Variants in CHRNA4 observed in about 807,000 individuals in gnomAD.
CHRNA4 encodes the protein neuronal acetylcholine receptor subunit alpha-4.
In CHRNA4, 28 loss-of-function variants were observed where a neutral mutation model predicts 48.9. The observed-to-expected ratio is 0.57, with a 90% CI of 0.42 to 0.79. CHRNA4 has a LOEUF of 0.79. CHRNA4 is among the 30% of genes least tolerant of loss of function. The pLI is 0.00. For missense variants in CHRNA4, 859 were observed against 898.4 expected, an observed-to-expected ratio of 0.96 and a Z score of 0.56; for synonymous variants, 425 against 402.3, an observed-to-expected ratio of 1.06 and a Z score of -0.68.
In CHRNA4 at chr20:63,350,288, T is replaced by C. The variant is rs2068569841; in HGVS notation, c.1123A>G (p.Met375Val). The change falls in exon 5 of 6, where the codon ATG becomes GTG. Residue 375 changes from methionine to valine, a missense_variant. Physicochemically the swap from Met to Val is conservative, Grantham distance 21. Transcript: ENST00000370263. ...CGCGGGGCACTGGCCATCTTATGCA[T>C]GGACTCGATGAGCCGCCGGCAATTG... ...KDNCRRLIES[M>V]HKMASAPRFW... 1.2e-6 allele frequency: 2 copies of C among 1,612,632 alleles called. No homozygotes were observed. The highest frequency in any genetic ancestry group is 1.7e-6 in the Non-Finnish European group (2 of 1,179,884).
At chr20:63,359,031 C>T (rs1213318233) in intron 2 of CHRNA4, among the ~76,000 whole-genome samples, 1 of 67,532 alleles carries the variant, frequency 1.5e-5, no homozygotes, top group African/African-American at 6.3e-5. Flanking sequence ...CCTTCTTGGG[C>T]CCCCCACCAG....
Position 63,344,906 on chromosome 20 carries a change from G to A in CHRNA4, c.*1832C>T, listed in dbSNP as rs1342059574. ...CCTGAATACACGGGGGATGTGGGAG[G>A]GGCCAGGGGGCTGGGGATGCCCAGG... is the stretch of plus-strand genomic sequence containing the variant. On this transcript the variant is annotated 3_prime_UTR_variant, in exon 6 of 6. Coordinates refer to ENST00000370263, the MANE Select transcript of CHRNA4 (RefSeq NM_000744.7). This position sits in a 1 kb window ranked among gnomAD's most constrained non-coding sequence, Gnocchi z 4.5. 2.5e-6 allele frequency: 1 copy of A among 402,736 alleles called. No homozygotes were observed. The highest frequency in any genetic ancestry group is 5.0e-6 in the Non-Finnish European group (1 of 198,112). The allele number at this position is 402,736 out of a possible 1,614,324, so 24.9% of individuals were successfully genotyped here. A position where few individuals can be genotyped will look rare whatever the true frequency, so the allele number is the denominator to read the frequency against.
At chr20:63,358,832 A>G (rs1411890857) in intron 2 of CHRNA4, among the ~76,000 whole-genome samples, 2 of 152,016 alleles carry the variant, frequency 1.3e-5, no homozygotes, top group African/African-American at 4.8e-5. Context: ...AGGGCCGCCG[A>G]GACCCCCAGA....
intron 2 of CHRNA4, 124 bp from the exon 3 acceptor site, chr20:63,356,539 C>T: frequency 9.7e-7 from 1 of 1,027,288 alleles, no homozygotes; most frequent in Non-Finnish European, 1.5e-6. Context: ...GACGGGCGAC[C>T]TGTGGAGGGG....
At chr20:63,359,480 A>T in intron 2 of CHRNA4, 68 bp downstream of exon 2, 1 of 1,601,404 alleles carries the variant, frequency 6.2e-7, no homozygotes. Context: ...CCCTCTGCCC[A>T]CCCAGACCCC....
chr20:63,344,829 C>A lies in CHRNA4; in HGVS notation c.*1909G>T. 2.2e-6 allele frequency: 1 copy of A among 449,114 alleles called. No individual in the cohort carries two copies. The allele number at this position is 449,114 out of a possible 1,614,324, so 27.8% of individuals were successfully genotyped here. The stretch of plus-strand genomic sequence containing the variant: ...CGTCCTGGGAGCTCTGGCCGAGGAG[C>A]AGCAGGGGCTGATGGCAGAGCGGGG... On this transcript the variant is annotated 3_prime_UTR_variant, in exon 6 of 6. Transcript: ENST00000370263. The surrounding 1 kb of genome is among the most constrained non-coding windows in gnomAD (Gnocchi z 4.5).
chr20:63,359,671 G>A lies in CHRNA4; in HGVS notation c.105C>T (p.His35=), dbSNP rs199541666. The A allele has an allele frequency of 2.0e-5, 33 of 1,611,596 alleles. No homozygotes were observed. The highest frequency in any genetic ancestry group is 2.7e-5 in the African/African-American group (2 of 75,020). ...GTTTCTTCAGGAGCCGCTCCTCGGCGTGGGCCCGGGTCTCCACATGGCTGC... is the reference window on the plus strand; with the variant it reads ...GTTTCTTCAGGAGCCGCTCCTCGGCATGGGCCCGGGTCTCCACATGGCTGC... ...RASSHVETRA[H]AEERLLKKLF... The change falls in exon 2 of 6, where the codon CAC becomes CAT. Residue 35 remains histidine, a synonymous_variant. Coordinates refer to ENST00000370263, the MANE Select transcript of CHRNA4 (RefSeq NM_000744.7).
At position 63,347,196 on chromosome 20, in the gene CHRNA4, G is replaced by A. The variant is rs368783206; in HGVS notation, c.1759-333C>T. ...CTTCTCAGCAGGCGGCCTGTGCTCCGGGAAGGGGGCACGGGGGAGGGGGGC... is the reference window on the plus strand; with the variant it reads ...CTTCTCAGCAGGCGGCCTGTGCTCCAGGAAGGGGGCACGGGGGAGGGGGGC... On this transcript the variant is annotated intron_variant, in intron 5 of 5. Transcript: ENST00000370263. Among the ~76,000 whole-genome samples, 88 of 152,336 alleles carry A rather than the reference G, an allele frequency of 5.8e-4. No homozygotes were observed. The South Asian group carries it at 7.5e-3, about 13-fold the overall frequency.
chr20:63,358,833 G>T (rs2068757194), intron 2 of CHRNA4, among the ~76,000 whole-genome samples: 1 of 152,162 alleles, frequency 6.6e-6, no homozygotes, highest in Admixed American at 6.5e-5. Flanking sequence ...GGGCCGCCGA[G>T]ACCCCCAGAC....
chr20:63,350,076 C>T lies in CHRNA4; in HGVS notation c.1335G>A (p.Ser445=), dbSNP rs1470458445. 3.3e-6 allele frequency: 5 copies of T among 1,519,892 alleles called. No homozygotes were observed. The highest frequency in any genetic ancestry group is 2.0e-5 in the Admixed American group (1 of 49,330). The allele number at this position is 1,519,892 out of a possible 1,614,324, so 94.2% of individuals were successfully genotyped here. A position where few individuals can be genotyped will look rare whatever the true frequency, so the allele number is the denominator to read the frequency against. ...CGTGGGGCGGGCGGCAGGGTCCAGGCGAGGGGTGGGGGCTGGCTTTCTCAG... is the reference window on the plus strand; with the variant it reads ...CGTGGGGCGGGCGGCAGGGTCCAGGTGAGGGGTGGGGGCTGGCTTTCTCAG... The part of the protein sequence containing the change: ...LEAEKASPHP[S]PGPCRPPHGT... The change falls in exon 5 of 6, where the codon TCG becomes TCA. Residue 445 remains serine (S), a synonymous_variant. Transcript: ENST00000370263.
intron 2 of CHRNA4, among the ~76,000 whole-genome samples, chr20:63,358,050 C>T (rs1321652311): frequency 6.6e-6 from 1 of 152,170 alleles, no homozygotes. Flanking sequence ...TATCACTTTG[C>T]AGCCGTGTTT....
Position 63,346,641 on chromosome 20 carries a change from CAG to C in CHRNA4, c.*95_*96del. ...AAAATTTGGCAAACGTGTGGCCCCACAGAGTCCAGGGAGAAGCCAGCCCGGCC... is the reference window on the plus strand; with the variant it reads ...AAAATTTGGCAAACGTGTGGCCCCACAGTCCAGGGAGAAGCCAGCCCGGCC... On this transcript the variant is annotated 3_prime_UTR_variant, in exon 6 of 6. Transcript: ENST00000370263. The C allele has an allele frequency of 3.3e-6, 5 of 1,516,352 alleles. No homozygotes were observed. The South Asian group carries it at 5.9e-5, about 18-fold the overall frequency. The allele number at this position is 1,516,352 out of a possible 1,614,324, so 93.9% of individuals were successfully genotyped here. A position where few individuals can be genotyped will look rare whatever the true frequency, so the allele number is the denominator to read the frequency against.
Position 63,343,380 on chromosome 20 carries a change from TC to T in CHRNA4, c.*3357del, listed in dbSNP as rs1382620744. On this transcript the variant is annotated 3_prime_UTR_variant, in exon 6 of 6. Transcript: ENST00000370263. ...GTCCATGGGGCTGGCCGGGCTTGCA[TC>T]CCCAGGTGCTGTGTGTGCTGCGCCT... 2 of 454,028 alleles carry T rather than the reference TC, an allele frequency of 4.4e-6. No homozygotes were observed. The highest frequency in any genetic ancestry group is 4.7e-5 in the Admixed American group (2 of 42,576). 28.1% of individuals were successfully genotyped at this position (454,028 alleles called of 1,614,324 possible). A position where few individuals can be genotyped will look rare whatever the true frequency, so the allele number is the denominator to read the frequency against.
At chr20:63,356,338 A>C in intron 3 of CHRNA4, 33 bp downstream of exon 3, 1 of 782,432 alleles carries the variant, frequency 1.3e-6, no homozygotes, top group Non-Finnish European at 1.5e-6. Flanking sequence ...GGGGGAGGGC[A>C]GGGGTGGGGC....
rs1471743973 is a variant in CHRNA4, at chr20:63,343,622, CCCCAGGCCGGGCCACACGGGAAGCA to C, written c.*3091_*3115del. The C allele has an allele frequency of 8.8e-6, 4 of 453,034 alleles. No homozygotes were observed. Among genetic ancestry groups the C allele is most frequent in the African/African-American group, 2.0e-5 (1 of 49,942 alleles). 28.1% of individuals were successfully genotyped at this position (453,034 alleles called of 1,614,324 possible). A position where few individuals can be genotyped will look rare whatever the true frequency, so the allele number is the denominator to read the frequency against. Reference sequence around the variant, plus strand: ...GCTTCCTGAGAGGAGGGCCACGTCGCCCCAGGCCGGGCCACACGGGAAGCACCCAGGCCGGTCCGGAGGCAGAAGG... The same window carrying C: ...GCTTCCTGAGAGGAGGGCCACGTCGCCCCAGGCCGGTCCGGAGGCAGAAGG... On this transcript the variant is annotated 3_prime_UTR_variant, in exon 6 of 6. Transcript: ENST00000370263.
chr20:63,357,132 G>C (rs62206911), intron 2 of CHRNA4, among the ~76,000 whole-genome samples: 1 of 143,814 alleles, frequency 7.0e-6, no homozygotes, highest in Non-Finnish European at 1.5e-5. Flanking sequence ...ACGTCTCCAC[G>C]GACCGTGTCC....
chr20:63,361,167 G>C lies in CHRNA4; in HGVS notation c.-2C>G. The C allele has an allele frequency of 1.4e-6, 2 of 1,474,188 alleles. No homozygotes were observed. Among genetic ancestry groups the C allele is most frequent in the Non-Finnish European group, 1.8e-6 (2 of 1,118,394 alleles). 91.3% of individuals were successfully genotyped at this position (1,474,188 alleles called of 1,614,324 possible). On this transcript the variant is annotated 5_prime_UTR_variant, in exon 1 of 6. Transcript: ENST00000370263. ...CGCTCCGGGGCCCCCTAGCTCCATG[G>C]CGCACGCACCTCGCGGGCTCTAGAT...
intron 5 of CHRNA4, among the ~76,000 whole-genome samples, chr20:63,349,274 G>A (rs1256606205): frequency 6.6e-6 from 1 of 152,232 alleles, no homozygotes; most frequent in Non-Finnish European, 1.5e-5. Context: ...AAGGGCCTTG[G>A]CAGTGCCTCG....
intron 1 of CHRNA4, chr20:63,359,901 G>GTT: frequency 3.3e-6 from 1 of 298,884 alleles, no homozygotes; most frequent in Non-Finnish European, 5.8e-6. Context: ...CGTGTGCTGT[G>GTT]TGTGTGTGTG....
Sources: gnomAD v4.1 joint callset for allele counts (sites outside exome capture counted in the v4.1 genomes callset) on GRCh38, gnomAD v4.1.1 for gene constraint, Gnocchi (gnomAD v3.1) non-coding constraint, MANE v1.5 for transcripts, NCBI Gene and HGNC (gene_info 2026-07-23, HGNC 2026-07-21) for gene names.